PDE4D: variants seen among roughly 807,000 people sequenced by gnomAD.
PDE4D encodes the protein 3',5'-cyclic-AMP phosphodiesterase 4D.
Under a neutral mutation model 87.4 loss-of-function variants are expected in PDE4D, and 24 were observed. The ratio of observed to expected loss-of-function variants is 0.27; its 90% CI spans 0.20 to 0.39. The LOEUF is 0.39. Among genes scored for constraint, PDE4D ranks in the 10% least tolerant of loss-of-function variants. The pLI, the probability that PDE4D is intolerant of heterozygous loss-of-function variation, is 1.00. For missense variants in PDE4D, 714 were observed against 1,041.0 expected (o/e 0.69, Z 4.32); for synonymous variants, 384 against 383.2 (o/e 1.00, Z -0.02).
chr5:59,367,158 C>T (rs1464871602), intron 1 of PDE4D, among the ~76,000 whole-genome samples: 1 of 152,124 alleles, frequency 6.6e-6, no homozygotes, highest in Non-Finnish European at 1.5e-5. Flanking sequence ...CTCATTACAG[C>T]AGAAGTTCTG....
At chr5:60,258,602 T>A (rs1176121900) in intron 1 of PDE4D, among the ~76,000 whole-genome samples, 1 of 151,868 alleles carries the variant, frequency 6.6e-6, no homozygotes, top group African/African-American at 2.4e-5. Flanking sequence ...AGGAAAAATA[T>A]AAAAATATTC....
chr5:60,341,864 C>T (rs995592870), intron 1 of PDE4D, among the ~76,000 whole-genome samples: 3 of 152,132 alleles, frequency 2.0e-5, no homozygotes, highest in African/African-American at 7.2e-5. Context: ...CCCATCAGCC[C>T]TCCACCCCAC....
intron 1 of PDE4D, among the ~76,000 whole-genome samples, chr5:59,337,330 C>CCG (rs1554136236): frequency 8.5e-5 from 12 of 141,616 alleles, no homozygotes; most frequent in Non-Finnish European, 1.7e-4. Context: ...AGTTCCCCCC[C>CCG]CCCCACCTTT....
intron 1 of PDE4D, among the ~76,000 whole-genome samples, chr5:59,270,760 G>A (rs1348161629): frequency 6.6e-6 from 1 of 152,038 alleles, no homozygotes; most frequent in Non-Finnish European, 1.5e-5. Context: ...CACTTTTATG[G>A]CCATTAAAAA....
chr5:58,975,641 A>G lies in PDE4D; in HGVS notation c.2013+16T>C. 6.4e-7 allele frequency: 1 copy of G among 1,561,708 alleles called. No individual in the cohort carries two copies. The highest frequency in any genetic ancestry group is 8.7e-7 in the Non-Finnish European group (1 of 1,151,698). ...TAGCTCTGTTCTCTCTGAAAGCTAT[A>G]CACTTCATGCATTACCTGTGATTTT... is the stretch of plus-strand genomic sequence containing the variant. On this transcript the variant is annotated intron_variant, in intron 14 of 14. Coordinates refer to ENST00000340635, the MANE Select transcript of PDE4D (RefSeq NM_001104631.2). The surrounding 1 kb of genome is among the most constrained non-coding windows in gnomAD (Gnocchi z 4.2).
chr5:59,182,439 T>C (rs1057261964), intron 4 of PDE4D, among the ~76,000 whole-genome samples: 2 of 151,966 alleles, frequency 1.3e-5, no homozygotes, highest in Non-Finnish European at 2.9e-5. Flanking sequence ...TTAATTTTTT[T>C]TTTTTTAGAG....
At chr5:60,042,986 AAC>A (rs1768699715) in intron 2 of PDE4D, among the ~76,000 whole-genome samples, 1 of 152,124 alleles carries the variant, frequency 6.6e-6, no homozygotes, top group Admixed American at 6.5e-5. Context: ...TGTGGGTAAC[AAC>A]AAATGGCTCC....
chr5:59,383,136 T>C (rs1054476122), intron 1 of PDE4D, among the ~76,000 whole-genome samples: 2 of 152,190 alleles, frequency 1.3e-5, no homozygotes, highest in Non-Finnish European at 2.9e-5. Flanking sequence ...CTGGGCAATT[T>C]ATTTCCCGGT....
intron 2 of PDE4D, among the ~76,000 whole-genome samples, chr5:60,074,224 A>C (rs1334185132): frequency 1.3e-5 from 2 of 152,014 alleles, no homozygotes; most frequent in African/African-American, 4.8e-5. Flanking sequence ...GGTATATTTT[A>C]TCTTTGTTCT....
At chr5:59,762,269 T>TGTACACATATGC (rs1762097212) in intron 1 of PDE4D, among the ~76,000 whole-genome samples, 1 of 46,654 alleles carries the variant, frequency 2.1e-5, no homozygotes, top group Admixed American at 1.7e-4. Context: ...TGCGTATATG[T>TGTACACATATGC]GTATATGGGT....
At chr5:59,379,301 A>C (rs1478447983) in intron 1 of PDE4D, among the ~76,000 whole-genome samples, 1 of 152,174 alleles carries the variant, frequency 6.6e-6, no homozygotes, top group Non-Finnish European at 1.5e-5. Flanking sequence ...AATCACACCT[A>C]AAAAAGTGCT....
At chr5:59,537,131 A>G (rs1369208962) in intron 1 of PDE4D, among the ~76,000 whole-genome samples, 2 of 152,224 alleles carry the variant, frequency 1.3e-5, no homozygotes, top group Admixed American at 1.3e-4. Flanking sequence ...TGTATTAGCT[A>G]AGTACTGTAG....
At chr5:59,093,608 T>C (rs1045640597) in intron 5 of PDE4D, among the ~76,000 whole-genome samples, 1 of 152,064 alleles carries the variant, frequency 6.6e-6, no homozygotes, top group African/African-American at 2.4e-5. Flanking sequence ...CAACCTATGA[T>C]GCAACAGTGC....
intron 1 of PDE4D, among the ~76,000 whole-genome samples, chr5:60,232,663 A>G (rs184642781): frequency 2.0e-5 from 3 of 152,018 alleles, no homozygotes; most frequent in African/African-American, 7.2e-5. Flanking sequence ...TCCAGGAAGC[A>G]TAATTATTAC....
chr5:60,159,339 A>G (rs528828835), intron 2 of PDE4D, among the ~76,000 whole-genome samples: 2 of 152,272 alleles, frequency 1.3e-5, no homozygotes, highest in Admixed American at 1.3e-4. Context: ...AGGAGTACAC[A>G]CTAAAACAAT....
At chr5:60,259,250 A>G (rs937814966) in intron 1 of PDE4D, among the ~76,000 whole-genome samples, 5 of 152,112 alleles carry the variant, frequency 3.3e-5, no homozygotes, top group Admixed American at 6.6e-5. Flanking sequence ...ATGGAACAGC[A>G]AAGTAGAAAA....
At chr5:59,661,993 T>C (rs1745324962) in intron 1 of PDE4D, among the ~76,000 whole-genome samples, 1 of 152,172 alleles carries the variant, frequency 6.6e-6, no homozygotes, top group Non-Finnish European at 1.5e-5. Flanking sequence ...TGAGACCCAT[T>C]GTCTGGTTAG....
intron 1 of PDE4D, among the ~76,000 whole-genome samples, chr5:60,367,182 C>T (rs1397834170): frequency 6.6e-6 from 1 of 151,958 alleles, no homozygotes; most frequent in South Asian, 2.1e-4. Flanking sequence ...GGCATGGTGG[C>T]TCATGCCTGT....
At chr5:60,254,196 C>T (rs1449189540) in intron 1 of PDE4D, among the ~76,000 whole-genome samples, 1 of 151,794 alleles carries the variant, frequency 6.6e-6, no homozygotes, top group Non-Finnish European at 1.5e-5. Flanking sequence ...GGGCTGTAGT[C>T]CCTTGTTGGC....
Sources: gnomAD v4.1 joint callset for allele counts (sites outside exome capture counted in the v4.1 genomes callset) on GRCh38, gnomAD v4.1.1 for gene constraint, Gnocchi (gnomAD v3.1) non-coding constraint, MANE v1.5 for transcripts, NCBI Gene and HGNC (gene_info 2026-07-23, HGNC 2026-07-21) for gene names.